Variants in TDRD7 observed in about 807,000 individuals in gnomAD.
TDRD7 encodes tudor domain containing 7, also known as tudor domain-containing protein 7.
Under a neutral mutation model 109.8 loss-of-function variants are expected in TDRD7, and 47 were observed. The observed-to-expected ratio is 0.43, with a 90% confidence interval of 0.34 to 0.55. The LOEUF (loss-of-function observed/expected upper bound fraction) is 0.55, where lower values mean the gene tolerates loss of function less well. TDRD7 is among the 20% of genes least tolerant of loss of function. The pLI, the probability that TDRD7 is intolerant of heterozygous loss-of-function variation, is 0.03. For synonymous variants in TDRD7, 424 were observed against 457.3 expected, an observed-to-expected ratio of 0.93 and a Z score of 0.93; for missense variants, 1,164 against 1,319.2, an observed-to-expected ratio of 0.88 and a Z score of 1.82.
chr9:97,414,810 C>T (rs1011639678), intron 1 of TDRD7, among the ~76,000 whole-genome samples: 1 of 152,080 alleles, frequency 6.6e-6, no homozygotes, highest in Non-Finnish European at 1.5e-5. Flanking sequence ...TGGTAACAGA[C>T]TATGATTAGA....
At chr9:97,453,485 C>T (rs1234136936) in intron 6 of TDRD7, among the ~76,000 whole-genome samples, 2 of 152,028 alleles carry the variant, frequency 1.3e-5, no homozygotes, top group Admixed American at 1.3e-4. Flanking sequence ...TCCAGGTTCT[C>T]TCAGCAAAGT....
At chr9:97,433,922 T>C (rs988120995) in intron 4 of TDRD7, among the ~76,000 whole-genome samples, 1 of 152,044 alleles carries the variant, frequency 6.6e-6, no homozygotes, top group Non-Finnish European at 1.5e-5. Flanking sequence ...CTGGGGGAAA[T>C]GTAGGTTAGT....
intron 4 of TDRD7, among the ~76,000 whole-genome samples, chr9:97,434,093 A>G (rs1416060986): frequency 6.6e-6 from 1 of 152,224 alleles, no homozygotes; most frequent in Non-Finnish European, 1.5e-5. Context: ...ACAATAGCCA[A>G]GGCATGGAAT....
Position 97,494,692 on chromosome 9 carries a change from A to ATG in TDRD7, c.3077-969_3077-968dup, listed in dbSNP as rs1300883205. On this transcript the variant is annotated intron_variant, in intron 16 of 16. Coordinates refer to ENST00000355295, the MANE Select transcript of TDRD7 (RefSeq NM_014290.3). Reference sequence around the variant, plus strand: ...TATTTCTTGAAATATGTATATATATATGTATATATATATATATATATTTTT... The same window carrying ATG: ...TATTTCTTGAAATATGTATATATATATGTGTATATATATATATATATATTTTT... Among the ~76,000 whole-genome samples, 64 of 143,318 alleles carry ATG rather than the reference A, an allele frequency of 4.5e-4. 1 individual carries two copies. The highest frequency in any genetic ancestry group is 8.4e-4 in the Non-Finnish European group (56 of 66,334). The allele number at this position is 143,318 out of a possible 152,430, so 94.0% of individuals were successfully genotyped here. A position where few individuals can be genotyped will look rare whatever the true frequency, so the allele number is the denominator to read the frequency against.
intron 7 of TDRD7, among the ~76,000 whole-genome samples, chr9:97,462,011 T>G (rs963569544): frequency 1.3e-5 from 2 of 152,186 alleles, no homozygotes; most frequent in African/African-American, 4.8e-5. Flanking sequence ...CCAGAAACTT[T>G]AGAGAGGATA....
rs1261871703 is a variant in TDRD7 at position 97,482,967 on chromosome 9, A to T, written c.2531A>T (p.His844Leu). The T allele has an allele frequency of 6.2e-7, 1 of 1,614,228 alleles. No individual in the cohort carries two copies. The highest frequency in any genetic ancestry group is 8.5e-7 in the Non-Finnish European group (1 of 1,180,030). Residue 844 changes from histidine (H) to leucine (L), a missense_variant, in exon 15 of 17, where the codon CAT becomes CTT. Physicochemically the swap from His to Leu is moderately conservative, Grantham distance 99 (BLOSUM62 -3). Transcript: ENST00000355295. Reference sequence around the variant, plus strand: ...ATTACAAATGCAGACTTGTGGAAGCATCAGAAGGATGTGTTTTTGAGTGCC... The same window carrying T: ...ATTACAAATGCAGACTTGTGGAAGCTTCAGAAGGATGTGTTTTTGAGTGCC... ...RQITNADLWK[H>L]QKDVFLSAIS... is the part of the protein sequence containing the mutation.
intron 7 of TDRD7, among the ~76,000 whole-genome samples, chr9:97,462,903 A>G (rs1037338652): frequency 9.9e-5 from 15 of 152,174 alleles, no homozygotes; most frequent in Non-Finnish European, 1.9e-4. Context: ...TTCTGGCAGG[A>G]GCCTGTGTTT....
At chr9:97,420,075 G>T (rs1479363328) in intron 1 of TDRD7, among the ~76,000 whole-genome samples, 1 of 152,058 alleles carries the variant, frequency 6.6e-6, no homozygotes, top group Non-Finnish European at 1.5e-5. Context: ...GTACATGAAT[G>T]ATCAAGGCAA....
chr9:97,486,717 C>T (rs1394447382), intron 15 of TDRD7, among the ~76,000 whole-genome samples: 1 of 152,178 alleles, frequency 6.6e-6, no homozygotes, highest in Admixed American at 6.5e-5. Context: ...TGCTTTTCTT[C>T]TCAAGCATTT....
In TDRD7 at chr9:97,430,736, G is replaced by A. The variant is rs188604114; in HGVS notation, c.208-197G>A. Reference sequence around the variant, plus strand: ...TTCAGTTTAGGAAAGATAATTCAATGTACTAGACTATGCCAGATTCCTCTT... The same window carrying A: ...TTCAGTTTAGGAAAGATAATTCAATATACTAGACTATGCCAGATTCCTCTT... On this transcript the variant is annotated intron_variant, in intron 2 of 16. Coordinates refer to ENST00000355295, the MANE Select transcript of TDRD7 (RefSeq NM_014290.3). Among the ~76,000 whole-genome samples, 388 of 152,232 alleles carry A rather than the reference G, an allele frequency of 2.5e-3. 1 individual carries two copies. The highest frequency in any genetic ancestry group is 0.017 in the Middle Eastern group (5 of 294).
At chr9:97,446,842 A>G (rs762025965) in intron 6 of TDRD7, among the ~76,000 whole-genome samples, 1 of 152,208 alleles carries the variant, frequency 6.6e-6, no homozygotes. Flanking sequence ...GGTAAAACCA[A>G]AACAACTTGG....
chr9:97,439,364 C>G (rs371291635), intron 5 of TDRD7, 46 bp downstream of exon 5: 8 of 1,491,636 alleles, frequency 5.4e-6, no homozygotes, highest in Admixed American at 1.7e-5. Context: ...CTTCCGGAGT[C>G]AAGAAACATA....
rs779989656 is a variant in TDRD7 at position 97,441,828 on chromosome 9, A to G, written c.808A>G (p.Asn270Asp). Residue 270 changes from asparagine (N) to aspartate (D), a missense_variant, in exon 6 of 17, where the codon AAT (asparagine) becomes GAT (aspartate). Physicochemically the swap from Asn to Asp is conservative, Grantham distance 23 (BLOSUM62 1). Coordinates refer to ENST00000355295, the MANE Select transcript of TDRD7 (RefSeq NM_014290.3). Reference protein sequence around the residue: ...FYKELYKEDLNQGILQQFEHW... With the variant: ...FYKELYKEDLDQGILQQFEHW... ...CAAAGAGTTATATAAAGAAGACCTTAATCAAGGAATTTTACAACAGTTTGA... is the reference window on the plus strand; with the variant it reads ...CAAAGAGTTATATAAAGAAGACCTTGATCAAGGAATTTTACAACAGTTTGA... 32 of 1,613,722 alleles carry G rather than the reference A, an allele frequency of 2.0e-5. No homozygotes were observed. The highest frequency in any genetic ancestry group is 2.4e-5 in the Non-Finnish European group (28 of 1,179,838).
chr9:97,424,815 C>T (rs1210052409), intron 1 of TDRD7, among the ~76,000 whole-genome samples: 3 of 151,928 alleles, frequency 2.0e-5, no homozygotes, highest in African/African-American at 7.3e-5. Context: ...TTAAACCTGC[C>T]ATTTTGCTGG....
chr9:97,487,548 C>T lies in TDRD7; in HGVS notation c.3076+216C>T, dbSNP rs138252463. On this transcript the variant is annotated intron_variant, in intron 16 of 16. Coordinates refer to ENST00000355295, the MANE Select transcript of TDRD7 (RefSeq NM_014290.3). The stretch of plus-strand genomic sequence containing the variant: ...ATATCTGCTGTTTCTCTTTTCTCTA[C>T]TCCTTCTGTCTCTGGTTTCAAGCAT... Among the ~76,000 whole-genome samples the T allele has an allele frequency of 2.1e-3, 321 of 151,786 alleles. 1 individual carries two copies. The highest frequency in any genetic ancestry group is 0.014 in the South Asian group (65 of 4,814).
intron 6 of TDRD7, among the ~76,000 whole-genome samples, chr9:97,447,152 G>A (rs1828415218): frequency 6.6e-6 from 1 of 152,174 alleles, no homozygotes; most frequent in African/African-American, 2.4e-5. Context: ...AATCAGAATA[G>A]CGAAGTTGAG....
intron 4 of TDRD7, among the ~76,000 whole-genome samples, chr9:97,433,967 A>C (rs1400290810): frequency 6.6e-6 from 1 of 152,196 alleles, no homozygotes; most frequent in East Asian, 1.9e-4. Context: ...GAGATTTCTC[A>C]AAAACTTAAA....
intron 1 of TDRD7, among the ~76,000 whole-genome samples, chr9:97,425,272 G>A (rs1827968296): frequency 6.6e-6 from 1 of 152,118 alleles, no homozygotes; most frequent in South Asian, 2.1e-4. Context: ...TTGATATTTA[G>A]TCTTGTGCCA....
rs566976102 is a variant in TDRD7 at position 97,417,369 on chromosome 9, G to A, written c.-7+5131G>A. 9.9e-5 allele frequency among the ~76,000 whole-genome samples: 15 copies of A among 152,254 alleles called. 1 individual carries two copies. The highest frequency in any genetic ancestry group is 3.6e-4 in the African/African-American group (15 of 41,530). On this transcript the variant is annotated intron_variant, in intron 1 of 16. Transcript: ENST00000355295. The stretch of plus-strand genomic sequence containing the variant: ...CGTGATATAATAGTATATATTATAT[G>A]AAAAGATCACTCAGGCTGATATGTG...
Sources: allele counts gnomAD v4.1 joint callset (sites outside exome capture counted in the v4.1 genomes callset), GRCh38; gene constraint gnomAD v4.1.1; transcripts MANE v1.5; gene names NCBI Gene and HGNC (gene_info 2026-07-23, HGNC 2026-07-21).